The following EVC2 variants were observed in gnomAD, a reference collection of about 807,000 sequenced individuals.
EVC2 encodes the protein EvC ciliary complex subunit 2, also known as limbin.
A neutral mutation model predicts 149.3 loss-of-function variants in EVC2; 148 were observed. That is an observed-to-expected ratio of 0.99 (90% CI 0.87 to 1.14). EVC2 has a LOEUF of 1.14. EVC2 is among the 50% of genes most tolerant of loss of function. EVC2 has a pLI of 0.00. For synonymous variants in EVC2, 776 were observed against 649.9 expected (o/e 1.19, Z -2.95); for missense variants, 1,854 against 1,627.3 (o/e 1.14, Z -2.40).
intron 21 of EVC2, among the ~76,000 whole-genome samples, chr4:5,549,243 C>A (rs1292362377): frequency 6.6e-6 from 1 of 152,160 alleles, no homozygotes; most frequent in South Asian, 2.1e-4. Context: ...AGGCACTTAA[C>A]CTGTACTGGG....
At position 5,554,418 on chromosome 4, in the gene EVC2, G is replaced by T. The variant is rs1721795350; in HGVS notation, c.3419+10840C>A. The stretch of plus-strand genomic sequence containing the variant: ...TTAGAAGTTCAGGAAGAAACTAAGG[G>T]CCTATAGTCTTAGGGAGTCCCTCAC... On this transcript the variant is annotated intron_variant and NMD_transcript_variant, in intron 21 of 22. Coordinates refer to the EVC2 transcript ENST00000475313. Among the ~76,000 whole-genome samples the T allele has an allele frequency of 2.6e-5, 4 of 152,178 alleles. No individual in the cohort carries two copies. The South Asian group carries it at 8.3e-4, about 32-fold the overall frequency.
chr4:5,543,224 T>C (rs1454921088), intron 21 of EVC2: 2 of 1,289,596 alleles, frequency 1.6e-6, no homozygotes, highest in South Asian at 1.2e-5. Context: ...TGGAACAGGA[T>C]ACAATCCTGG....
At chr4:5,704,366 G>A (rs984475878) in intron 1 of EVC2, among the ~76,000 whole-genome samples, 21 of 152,232 alleles carry the variant, frequency 1.4e-4, no homozygotes, top group Admixed American at 7.8e-4. Context: ...AAGGCCTCTG[G>A]GCCCAGCAAG....
intron 16 of EVC2, among the ~76,000 whole-genome samples, chr4:5,585,963 G>A (rs1033605414): frequency 1.3e-5 from 2 of 152,174 alleles, no homozygotes; most frequent in African/African-American, 4.8e-5. Flanking sequence ...CTGGGTTCAA[G>A]TGATTTTCCT....
chr4:5,540,938 C>G (rs1560114545), downstream of EVC2, among the ~76,000 whole-genome samples: 1 of 152,178 alleles, frequency 6.6e-6, no homozygotes, highest in Non-Finnish European at 1.5e-5. Flanking sequence ...GGAGGCAGAG[C>G]TTCTTTTCAG....
downstream of EVC2, among the ~76,000 whole-genome samples, chr4:5,538,540 T>G (rs144887720): frequency 2.0e-5 from 3 of 152,082 alleles, no homozygotes; most frequent in Non-Finnish European, 2.9e-5. Context: ...AGATCAATAT[T>G]CCTCGTGAAC....
intron 6 of EVC2, among the ~76,000 whole-genome samples, chr4:5,684,576 G>T (rs1016044132): frequency 8.5e-4 from 17 of 20,056 alleles, no homozygotes; most frequent in East Asian, 2.6e-3. Context: ...GCCTGTACCC[G>T]GGGTGTGCAG....
intron 1 of EVC2, 99 bp from the exon 2 acceptor site, chr4:5,697,746 C>CTT (rs748171113): frequency 0.021 from 16,945 of 794,038 alleles, no homozygotes; most frequent in Non-Finnish European, 0.025. Flanking sequence ...AGGACATGCA[C>CTT]TTTTTTTTTT....
At chr4:5,644,254 T>G (rs1717547409) in intron 9 of EVC2, among the ~76,000 whole-genome samples, 3 of 152,186 alleles carry the variant, frequency 2.0e-5, no homozygotes, top group Non-Finnish European at 4.4e-5. Flanking sequence ...TTTTTTTGAG[T>G]GACCTTTAAA....
intron 16 of EVC2, among the ~76,000 whole-genome samples, chr4:5,588,802 C>G (rs150015434): frequency 4.6e-5 from 7 of 152,274 alleles, no homozygotes; most frequent in African/African-American, 9.6e-5. Context: ...ACATATTAAA[C>G]AAAATTATAA....
rs201154245 is a variant in EVC2, at chr4:5,618,530, C to T, written c.2654G>A (p.Arg885Gln). Residue 885 changes from arginine to glutamine, a missense_variant, in exon 15 of 22, where the codon CGA becomes CAA. Arg to Gln is a conservative substitution (Grantham distance 43, BLOSUM62 1). Transcript: ENST00000344408. This position sits in a 1 kb window ranked among gnomAD's most constrained non-coding sequence, Gnocchi z 4.4. ...VLLQQFQTAW[R>Q]EAEFVKLDQA... Reference sequence around the variant, plus strand: ...GTCCAGCTTCACGAACTCTGCTTCTCGCCACGCAGTCTGAAATTGCTGCAG... The same window carrying T: ...GTCCAGCTTCACGAACTCTGCTTCTTGCCACGCAGTCTGAAATTGCTGCAG... The T allele has an allele frequency of 9.9e-6, 16 of 1,614,026 alleles. No homozygotes were observed. The highest frequency in any genetic ancestry group is 8.9e-5 in the East Asian group (4 of 44,868).
At position 5,576,151 on chromosome 4, in the gene EVC2, T is replaced by G; in HGVS notation, c.3272+89A>C. ...TTAGGCAAGAGGGTGAGAGCCCAGG[T>G]GGGTATGGGTGGGCTGAGTTGGAGA... is the stretch of plus-strand genomic sequence containing the variant. On this transcript the variant is annotated intron_variant, in intron 18 of 21. Coordinates refer to ENST00000344408, the MANE Select transcript of EVC2 (RefSeq NM_147127.5). The surrounding 1 kb of genome is among the most constrained non-coding windows in gnomAD (Gnocchi z 4.5). The G allele has an allele frequency of 6.2e-7, 1 of 1,603,158 alleles. No homozygotes were observed. Among genetic ancestry groups the G allele is most frequent in the Non-Finnish European group, 8.5e-7 (1 of 1,174,500 alleles).
chr4:5,663,659 G>A (rs891754897), intron 8 of EVC2, among the ~76,000 whole-genome samples: 12 of 152,220 alleles, frequency 7.9e-5, no homozygotes, highest in African/African-American at 2.2e-4. Context: ...GGTGGCTCAC[G>A]CCTGTAATCC....
chr4:5,632,781 C>T (rs939086145), intron 10 of EVC2, among the ~76,000 whole-genome samples: 11 of 152,184 alleles, frequency 7.2e-5, no homozygotes, highest in East Asian at 1.9e-4. Flanking sequence ...CATTTGCATA[C>T]GGCCTCCCCC....
At chr4:5,552,373 T>C (rs1721753744) in intron 21 of EVC2, among the ~76,000 whole-genome samples, 1 of 152,252 alleles carries the variant, frequency 6.6e-6, no homozygotes, top group Admixed American at 6.5e-5. Context: ...TTGAATTAAA[T>C]TTCCTTCCTG....
At chr4:5,583,642 T>A (rs1712002655) in intron 17 of EVC2, among the ~76,000 whole-genome samples, 1 of 152,190 alleles carries the variant, frequency 6.6e-6, no homozygotes, top group South Asian at 2.1e-4. Flanking sequence ...ATAAAGTTGT[T>A]CATAACATTC....
chr4:5,709,096 G>C (rs1722408521), upstream of EVC2: 3 of 152,580 alleles, frequency 2.0e-5, no homozygotes, highest in Admixed American at 2.0e-4. Flanking sequence ...GGTCAGCCCT[G>C]GGCCGGCCCG....
rs964823614 is a variant in EVC2, at chr4:5,625,116, C to G, written c.2046+633G>C. Among the ~76,000 whole-genome samples the G allele has an allele frequency of 2.0e-5, 3 of 152,070 alleles. No individual in the cohort carries two copies. The highest frequency in any genetic ancestry group is 4.4e-5 in the Non-Finnish European group (3 of 68,012). On this transcript the variant is annotated intron_variant, in intron 13 of 21. Transcript: ENST00000344408. This position sits in a 1 kb window ranked among gnomAD's most constrained non-coding sequence, Gnocchi z 4.0. ...ATGTCTCTCTCACCTCCGGAAGACC[C>G]TTCAACATTCCCCACTATCCTTGGA...
chr4:5,603,511 T>G (rs967743501), intron 16 of EVC2, among the ~76,000 whole-genome samples: 18 of 152,326 alleles, frequency 1.2e-4, no homozygotes, highest in Admixed American at 5.2e-4. Context: ...TTCTGATGCT[T>G]AAACTCTAGT....
Sources: gnomAD v4.1 joint callset for allele counts (sites outside exome capture counted in the v4.1 genomes callset) on GRCh38, gnomAD v4.1.1 for gene constraint, Gnocchi (gnomAD v3.1) non-coding constraint, MANE v1.5 for transcripts, NCBI Gene and HGNC (gene_info 2026-07-23, HGNC 2026-07-21) for gene names.